XXYLT1: variants seen among roughly 807,000 people sequenced by gnomAD.
The protein encoded by XXYLT1 is UDP-xylose:alpha-xyloside alpha-1,3-xylosyltransferase.
In XXYLT1, 20 loss-of-function variants were observed where a neutral mutation model predicts 28.9. The observed-to-expected ratio is 0.69, with a 90% CI of 0.49 to 1.00. The LOEUF is 1.00. Among genes scored for constraint, XXYLT1 ranks in the 50% least tolerant of loss-of-function variants. XXYLT1 has a pLI of 0.00. For synonymous variants in XXYLT1, 257 were observed against 253.8 expected, an observed-to-expected ratio of 1.01 and a Z score of -0.12; for missense variants, 542 against 560.1, an observed-to-expected ratio of 0.97 and a Z score of 0.33.
chr3:195,096,187 C>G (rs1396392690), intron 3 of XXYLT1: 3 of 152,222 alleles, frequency 2.0e-5, no homozygotes, highest in African/African-American at 7.2e-5. Context: ...TACACTGTCT[C>G]AACATACTTT....
chr3:195,135,163 G>A (rs1014819537), intron 3 of XXYLT1, among the ~76,000 whole-genome samples: 2 of 152,274 alleles, frequency 1.3e-5, no homozygotes, highest in South Asian at 4.1e-4. Flanking sequence ...GAGGTGATCC[G>A]CTTGAGACTG....
chr3:195,078,215 T>G lies in XXYLT1; in HGVS notation c.786-8104A>C, dbSNP rs1715231014. On this transcript the variant is annotated intron_variant, in intron 3 of 3. Transcript: ENST00000310380. This position sits in a 1 kb window ranked among gnomAD's most constrained non-coding sequence, Gnocchi z 5.0. ...GAGGAGCCCAGCAGGTGGCTGGAGG[T>G]ACCGGCCATAAGCAGAGAGCACCAA... Among the ~76,000 whole-genome samples the G allele has an allele frequency of 6.6e-6, 1 of 151,738 alleles. No homozygotes were observed.
At chr3:195,143,887 TA>T (rs1235863049) in intron 3 of XXYLT1, among the ~76,000 whole-genome samples, 8 of 129,588 alleles carry the variant, frequency 6.2e-5, no homozygotes, top group East Asian at 6.7e-4. Context: ...TATATATATA[TA>T]TTTATTTTTT....
intron 1 of XXYLT1, among the ~76,000 whole-genome samples, chr3:195,245,968 C>T (rs1156495910): frequency 6.6e-6 from 1 of 152,208 alleles, no homozygotes; most frequent in African/African-American, 2.4e-5. Flanking sequence ...GAGCCAATTA[C>T]ACCTCTTTTT....
chr3:195,237,907 C>T lies in XXYLT1; in HGVS notation c.505-11051G>A, dbSNP rs867486851. 4.6e-5 allele frequency among the ~76,000 whole-genome samples: 7 copies of T among 152,174 alleles called. No individual in the cohort carries two copies. The South Asian group carries it at 6.2e-4, about 14-fold the overall frequency. ...AAATCTCAAATTATGTTTCTCATTC[C>T]CACACCCCTCCGCTTCCTCTCACCC... On this transcript the variant is annotated intron_variant, in intron 1 of 3. Transcript: ENST00000310380.
intron 3 of XXYLT1, among the ~76,000 whole-genome samples, chr3:195,073,229 G>A (rs535436923): frequency 2.0e-5 from 3 of 152,308 alleles, no homozygotes; most frequent in East Asian, 3.9e-4. Context: ...GGGTGGCACC[G>A]GCCGAGGCCA....
chr3:195,235,889 T>TAC (rs1160703286), intron 1 of XXYLT1, among the ~76,000 whole-genome samples: 2 of 143,616 alleles, frequency 1.4e-5, no homozygotes, highest in African/African-American at 5.1e-5. Context: ...TATCTATAAA[T>TAC]ATATAGACAT....
intron 3 of XXYLT1, among the ~76,000 whole-genome samples, chr3:195,139,973 G>A (rs1048624085): frequency 3.3e-5 from 5 of 152,200 alleles, no homozygotes; most frequent in African/African-American, 1.2e-4. Context: ...CTACGTGCTG[G>A]TCTAGGGAGC....
chr3:195,227,091 G>T (rs745801361), intron 1 of XXYLT1, among the ~76,000 whole-genome samples: 1 of 152,160 alleles, frequency 6.6e-6, no homozygotes, highest in Non-Finnish European at 1.5e-5. Flanking sequence ...GTGGCATGCA[G>T]GCATGCATGT....
At chr3:195,112,283 C>T (rs1478692861) in intron 3 of XXYLT1, among the ~76,000 whole-genome samples, 5 of 152,154 alleles carry the variant, frequency 3.3e-5, no homozygotes, top group African/African-American at 9.7e-5. Context: ...ACGGGTTTCG[C>T]TGATGCTTTG....
rs540377800 is a variant in XXYLT1, at chr3:195,076,995, A to G, written c.786-6884T>C. Among the ~76,000 whole-genome samples, 1 of 152,264 alleles carries G rather than the reference A, an allele frequency of 6.6e-6. No homozygotes were observed. Among genetic ancestry groups the G allele is most frequent in the East Asian group, 1.9e-4 (1 of 5,178 alleles). On this transcript the variant is annotated intron_variant, in intron 3 of 3. Coordinates refer to ENST00000310380, the MANE Select transcript of XXYLT1 (RefSeq NM_152531.5). This position sits in a 1 kb window ranked among gnomAD's most constrained non-coding sequence, Gnocchi z 5.3. ...AATTCTGAGGGACACACTTCAACCC[A>G]CAGCACTCTCCAGCAATGAAGATGG...
chr3:195,182,096 T>C (rs901268094), intron 2 of XXYLT1, among the ~76,000 whole-genome samples: 2 of 152,280 alleles, frequency 1.3e-5, no homozygotes, highest in African/African-American at 4.8e-5. Context: ...CCCTAAAACC[T>C]AGTCATCATC....
In XXYLT1 at chr3:195,210,339, C is replaced by T. The variant is rs750073742; in HGVS notation, c.652+16370G>A. 1.3e-5 allele frequency among the ~76,000 whole-genome samples: 2 copies of T among 152,190 alleles called. No homozygotes were observed. Among genetic ancestry groups the T allele is most frequent in the Admixed American group, 6.5e-5 (1 of 15,282 alleles). On this transcript the variant is annotated intron_variant, in intron 2 of 3. Transcript: ENST00000310380. The surrounding 1 kb of genome is among the most constrained non-coding windows in gnomAD (Gnocchi z 4.8). ...ACTCACTTGGGGTCCCTCCACCAAC[C>T]GGAAGGTGAGCTCCCCAAGGGCAGG... is the stretch of plus-strand genomic sequence containing the variant.
At chr3:195,083,470 T>C (rs907959087) in intron 3 of XXYLT1, among the ~76,000 whole-genome samples, 3 of 152,182 alleles carry the variant, frequency 2.0e-5, no homozygotes, top group Non-Finnish European at 2.9e-5. Context: ...CTCCTCAGGC[T>C]TTCCTGACAC....
chr3:195,192,292 G>A (rs1722455194), intron 2 of XXYLT1, among the ~76,000 whole-genome samples: 1 of 152,032 alleles, frequency 6.6e-6, no homozygotes, highest in African/African-American at 2.4e-5. Context: ...AGGTGTGGTG[G>A]CATGCACCAG....
At chr3:195,239,591 G>A (rs753059732) in intron 1 of XXYLT1, among the ~76,000 whole-genome samples, 1 of 152,206 alleles carries the variant, frequency 6.6e-6, no homozygotes, top group Non-Finnish European at 1.5e-5. Context: ...GTCTGATCAC[G>A]ATTTGTAGGT....
At position 195,069,913 on chromosome 3, in the gene XXYLT1, GA is replaced by G. The variant is rs1560077406; in HGVS notation, c.983del (p.Leu328ProfsTer9). ...LADKYHFRGH[L>X]GDQDFFTMIG... ...TCATGGTGAAGAAGTCCTGGTCCCC[GA>G]GGTGGCCGCGGAAGTGGTACTTGTC... On this transcript the variant is annotated frameshift_variant, in exon 4 of 4. Coordinates refer to ENST00000310380, the MANE Select transcript of XXYLT1 (RefSeq NM_152531.5). LOFTEE classifies it high-confidence loss of function. 1 of 1,613,850 alleles carries G rather than the reference GA, an allele frequency of 6.2e-7. No individual in the cohort carries two copies. Among genetic ancestry groups the G allele is most frequent in the South Asian group, 1.1e-5 (1 of 91,092 alleles).
At chr3:195,075,994 A>G (rs563359564) in intron 3 of XXYLT1, among the ~76,000 whole-genome samples, 2 of 152,158 alleles carry the variant, frequency 1.3e-5, no homozygotes, top group South Asian at 4.2e-4. Context: ...GGCACACCGC[A>G]GAGGGCTTCC....
At chr3:195,119,610 T>C (rs373442001) in intron 3 of XXYLT1, among the ~76,000 whole-genome samples, 6 of 152,056 alleles carry the variant, frequency 3.9e-5, no homozygotes, top group Non-Finnish European at 8.8e-5. Flanking sequence ...GGCCTGACAA[T>C]GAAGCGATGG....
Sources: gnomAD v4.1 joint callset for allele counts (sites outside exome capture counted in the v4.1 genomes callset) on GRCh38, gnomAD v4.1.1 for gene constraint, Gnocchi (gnomAD v3.1) non-coding constraint, MANE v1.5 for transcripts, NCBI Gene and HGNC (gene_info 2026-07-23, HGNC 2026-07-21) for gene names.